The following C3orf20 variants were observed in gnomAD, a reference collection of about 807,000 sequenced individuals.
C3orf20 encodes family with sequence similarity 149 member C.
In C3orf20, 76 loss-of-function variants were observed where a neutral mutation model predicts 88.3. The ratio of observed to expected loss-of-function variants is 0.86; its 90% CI spans 0.72 to 1.04. The LOEUF (loss-of-function observed/expected upper bound fraction) is 1.04, where lower values mean the gene tolerates loss of function less well. Among genes scored for constraint, C3orf20 ranks in the 50% least tolerant of loss-of-function variants. The probability of loss-of-function intolerance (pLI) is 0.00; values close to 1 mark genes in which losing one functional copy is unlikely to be tolerated. For synonymous variants in C3orf20, 436 were observed against 437.4 expected (o/e 1.00, Z 0.04); for missense variants, 1,056 against 1,123.3 (o/e 0.94, Z 0.86).
At chr3:14,752,316 T>G (rs1042013517) in intron 12 of C3orf20, among the ~76,000 whole-genome samples, 4 of 152,170 alleles carry the variant, frequency 2.6e-5, no homozygotes, top group African/African-American at 9.7e-5. Flanking sequence ...GCTTACACCT[T>G]ATACAAAAAT....
chr3:14,722,962 G>A (rs2034219775), intron 10 of C3orf20, among the ~76,000 whole-genome samples: 1 of 152,360 alleles, frequency 6.6e-6, no homozygotes, highest in East Asian at 1.9e-4. Flanking sequence ...CAGGTGGGTA[G>A]AGCAGACTAT....
chr3:14,756,634 T>C (rs971560778), intron 12 of C3orf20, among the ~76,000 whole-genome samples: 1 of 152,052 alleles, frequency 6.6e-6, no homozygotes, highest in Non-Finnish European at 1.5e-5. Context: ...GAGAGTGACA[T>C]AATGGCTCTA....
chr3:14,728,765 G>C (rs2034447635), intron 12 of C3orf20, 77 bp downstream of exon 12: 1 of 1,503,442 alleles, frequency 6.7e-7, no homozygotes, highest in African/African-American at 1.4e-5. Context: ...GAACCCAACA[G>C]ATGGGGCCCC....
chr3:14,762,301 G>A (rs1380948223), intron 15 of C3orf20, among the ~76,000 whole-genome samples: 1 of 152,234 alleles, frequency 6.6e-6, no homozygotes. Context: ...TCAACCAGGT[G>A]ATGCCAACTT....
chr3:14,742,451 G>C (rs945867236), intron 12 of C3orf20, among the ~76,000 whole-genome samples: 2 of 152,168 alleles, frequency 1.3e-5, no homozygotes, highest in African/African-American at 2.4e-5. Context: ...AATCCAGTCA[G>C]AGCCACTGTT....
intron 12 of C3orf20, among the ~76,000 whole-genome samples, chr3:14,751,452 A>G (rs2035217126): frequency 6.6e-6 from 1 of 152,224 alleles, no homozygotes; most frequent in Non-Finnish European, 1.5e-5. Flanking sequence ...GCGTCAAGGG[A>G]TTTCCCTTTC....
Position 14,757,608 on chromosome 3 carries a change from G to T in C3orf20, c.2178G>T (p.Gln726His). ...GCCAGAACTACACCAGCACTGGGCA[G>T]CTCCAGTGGCTGCTGAACACTCTCT... is the stretch of plus-strand genomic sequence containing the variant. ...ISSQNYTSTG[Q>H]LQWLLNTLYN... The change falls in exon 13 of 17, where the codon CAG (glutamine) becomes CAT (histidine). Residue 726 changes from glutamine (Q) to histidine (H), a missense_variant. Coordinates refer to ENST00000253697, the MANE Select transcript of C3orf20 (RefSeq NM_032137.5). 1 of 1,614,002 alleles carries T rather than the reference G, an allele frequency of 6.2e-7. No homozygotes were observed. The highest frequency in any genetic ancestry group is 8.5e-7 in the Non-Finnish European group (1 of 1,180,006).
chr3:14,720,234 A>G (rs544672215), intron 9 of C3orf20, among the ~76,000 whole-genome samples: 6 of 152,084 alleles, frequency 3.9e-5, no homozygotes, highest in East Asian at 3.9e-4. Flanking sequence ...GTTTCACCGT[A>G]TTAGCCAGGA....
At chr3:14,735,118 T>C (rs1281375811) in intron 12 of C3orf20, among the ~76,000 whole-genome samples, 1 of 151,850 alleles carries the variant, frequency 6.6e-6, no homozygotes, top group Non-Finnish European at 1.5e-5. Flanking sequence ...ATATTTTTTG[T>C]TTTTTAATTA....
intron 6 of C3orf20, among the ~76,000 whole-genome samples, chr3:14,703,514 G>A (rs532324985): frequency 9.8e-5 from 15 of 152,340 alleles, no homozygotes; most frequent in Non-Finnish European, 1.6e-4. Flanking sequence ...AAGGAAGACA[G>A]GATTGATGCC....
intron 12 of C3orf20, among the ~76,000 whole-genome samples, chr3:14,732,860 T>G (rs535445273): frequency 1.2e-5 from 1 of 84,636 alleles, no homozygotes; most frequent in Admixed American, 1.3e-4. Flanking sequence ...TGATCCATTT[T>G]GAGTTAATTT....
At chr3:14,763,762 G>A (rs983696825) in intron 15 of C3orf20, among the ~76,000 whole-genome samples, 9 of 152,084 alleles carry the variant, frequency 5.9e-5, no homozygotes, top group Non-Finnish European at 1.3e-4. Flanking sequence ...CACTGTATTG[G>A]GTTATGGGGA....
chr3:14,703,550 C>T (rs1347903408), intron 6 of C3orf20, among the ~76,000 whole-genome samples: 4 of 152,214 alleles, frequency 2.6e-5, no homozygotes, highest in East Asian at 1.9e-4. Context: ...GAAACTGAGG[C>T]AGCCTAAGCA....
At chr3:14,741,690 G>A (rs559934464) in intron 12 of C3orf20, among the ~76,000 whole-genome samples, 34 of 152,318 alleles carry the variant, frequency 2.2e-4, no homozygotes, top group Non-Finnish European at 3.8e-4. Context: ...CAGCTTTACT[G>A]AAGAGGTGTT....
At chr3:14,760,572 C>A (rs575361660) in intron 14 of C3orf20, among the ~76,000 whole-genome samples, 1 of 150,954 alleles carries the variant, frequency 6.6e-6, no homozygotes, top group Non-Finnish European at 1.5e-5. Context: ...GTTTGTAACA[C>A]CTGATTTTTA....
At chr3:14,686,082 G>A (rs1343885507) in intron 4 of C3orf20, among the ~76,000 whole-genome samples, 2 of 152,036 alleles carry the variant, frequency 1.3e-5, no homozygotes, top group Non-Finnish European at 2.9e-5. Flanking sequence ...GGATGGTCTC[G>A]ATCTCTTGAC....
At chr3:14,737,968 T>C (rs1457553331) in intron 12 of C3orf20, among the ~76,000 whole-genome samples, 2 of 152,206 alleles carry the variant, frequency 1.3e-5, no homozygotes, top group Admixed American at 6.5e-5. Flanking sequence ...AGTTTATTCA[T>C]GAGATTGCAG....
intron 7 of C3orf20, among the ~76,000 whole-genome samples, chr3:14,705,661 G>A (rs1481663543): frequency 6.6e-6 from 1 of 152,190 alleles, no homozygotes; most frequent in African/African-American, 2.4e-5. Context: ...ATATTCTAGA[G>A]CTGGACCAGA....
chr3:14,732,885 G>A (rs1193392450), intron 12 of C3orf20, among the ~76,000 whole-genome samples: 1 of 81,988 alleles, frequency 1.2e-5, no homozygotes, highest in Admixed American at 1.3e-4. Flanking sequence ...ATAAGGTATA[G>A]TGTATGAATT....
Sources: allele counts gnomAD v4.1 joint callset (sites outside exome capture counted in the v4.1 genomes callset), GRCh38; gene constraint gnomAD v4.1.1; transcripts MANE v1.5; gene names NCBI Gene and HGNC (gene_info 2026-07-23, HGNC 2026-07-21).